Variants in ATP9B observed in about 807,000 individuals in gnomAD.
The protein encoded by ATP9B is ATPase phospholipid transporting 9B.
In ATP9B, 110 loss-of-function variants were observed where a neutral mutation model predicts 146.1. That is an observed-to-expected ratio of 0.75 (90% confidence interval 0.65 to 0.88). The LOEUF (loss-of-function observed/expected upper bound fraction) is 0.88, where lower values mean the gene tolerates loss of function less well. Among genes scored for constraint, ATP9B ranks in the 40% least tolerant of loss-of-function variants. The pLI is 0.00. For missense variants in ATP9B, 1,499 were observed against 1,496.4 expected, an observed-to-expected ratio of 1.00 and a Z score of -0.03; for synonymous variants, 604 against 569.7, an observed-to-expected ratio of 1.06 and a Z score of -0.86.
At chr18:79,227,278 A>G (rs2095745061) in intron 11 of ATP9B, among the ~76,000 whole-genome samples, 1 of 151,846 alleles carries the variant, frequency 6.6e-6, no homozygotes, top group African/African-American at 2.4e-5. Context: ...TTTAGCAAAA[A>G]ATGCTGTTTA....
chr18:79,307,345 T>G, intron 15 of ATP9B, 111 bp downstream of exon 15: 1 of 1,478,672 alleles, frequency 6.8e-7, no homozygotes, highest in Non-Finnish European at 9.1e-7. Flanking sequence ...TTATCGTAGC[T>G]TTAATGTATG....
At chr18:79,277,277 TTATGTG>T in intron 13 of ATP9B, 81 bp downstream of exon 13, 1 of 1,524,592 alleles carries the variant, frequency 6.6e-7, no homozygotes, top group South Asian at 1.2e-5. Context: ...AGATATATGT[TTATGTG>T]TATGTATATA....
intron 19 of ATP9B, among the ~76,000 whole-genome samples, chr18:79,341,874 C>A (rs1252394003): frequency 6.6e-6 from 1 of 152,234 alleles, no homozygotes; most frequent in Non-Finnish European, 1.5e-5. Context: ...CCTTCCAGAA[C>A]TGTTCCATCC....
intron 26 of ATP9B, chr18:79,372,495 C>G (rs2097077520): frequency 2.1e-6 from 1 of 481,442 alleles, no homozygotes; most frequent in Non-Finnish European, 4.0e-6. Context: ...GTTTTTATTG[C>G]CAAGAGCCTT....
In ATP9B at chr18:79,229,012, CAGT is replaced by C. The variant is rs954285729; in HGVS notation, c.1107+14976_1107+14978del. The stretch of plus-strand genomic sequence containing the variant: ...TGCCACTACACTCCAGCCTGGGCGA[CAGT>C]ATAAGACCCTGTCTCAATACAAGCA... On this transcript the variant is annotated intron_variant, in intron 11 of 29. Coordinates refer to ENST00000426216, the MANE Select transcript of ATP9B (RefSeq NM_198531.5). Among the ~76,000 whole-genome samples, 4 of 152,222 alleles carry C rather than the reference CAGT, an allele frequency of 2.6e-5. No individual in the cohort carries two copies. In the East Asian group the frequency reaches 7.7e-4, roughly 29 times the overall value.
chr18:79,266,410 TAAC>T lies in ATP9B; in HGVS notation c.1269-10642_1269-10640del, dbSNP rs905761388. ...ATATAATCATATCATCAGTAAATAA[TAAC>T]AGCTTTTTTTTGTTCAGTTCTTTGC... On this transcript the variant is annotated intron_variant, in intron 12 of 29. Transcript: ENST00000426216. 1.5e-4 allele frequency among the ~76,000 whole-genome samples: 18 copies of T among 123,518 alleles called. No individual in the cohort carries two copies. The East Asian group carries it at 3.5e-3, about 24-fold the overall frequency. 81.0% of individuals were successfully genotyped at this position (123,518 alleles called of 152,430 possible).
intron 20 of ATP9B, 36 bp from the exon 21 acceptor site, chr18:79,344,229 A>G (rs1227638330): frequency 1.9e-6 from 3 of 1,582,168 alleles, no homozygotes; most frequent in East Asian, 2.2e-5. Flanking sequence ...CTTAGACAAC[A>G]TTTTAATTTG....
chr18:79,327,705 T>TCTCCGTGTTTAGCGTG (rs1391732704), intron 15 of ATP9B, among the ~76,000 whole-genome samples: 1 of 107,580 alleles, frequency 9.3e-6, no homozygotes, highest in African/African-American at 4.1e-5. Context: ...GTTAGTGTGC[T>TCTCCGTGTTTAGCGTG]CTCTCCATGG....
At chr18:79,226,075 A>G (rs531976431) in intron 11 of ATP9B, among the ~76,000 whole-genome samples, 6 of 152,338 alleles carry the variant, frequency 3.9e-5, no homozygotes, top group African/African-American at 9.6e-5. Flanking sequence ...TTCAGAGTCC[A>G]TAGTGCAGAG....
In ATP9B at chr18:79,262,267, T is replaced by A. The variant is rs939056127; in HGVS notation, c.1268+8726T>A. ...ATTCAAGTTTGTTTAGAATTTTTTT[T>A]AAATATATTTTTCTTTAGGAAAAAA... On this transcript the variant is annotated intron_variant, in intron 12 of 29. Transcript: ENST00000426216. Among the ~76,000 whole-genome samples the A allele has an allele frequency of 1.1e-4, 16 of 152,228 alleles. No homozygotes were observed. In the East Asian group the frequency reaches 2.5e-3, roughly 24 times the overall value.
intron 11 of ATP9B, among the ~76,000 whole-genome samples, chr18:79,222,213 G>T (rs2095686824): frequency 6.6e-6 from 1 of 152,028 alleles, no homozygotes; most frequent in Non-Finnish European, 1.5e-5. Flanking sequence ...CAAAGAATTA[G>T]CCGGGCGTGG....
At chr18:79,270,811 T>A (rs2096246585) in intron 12 of ATP9B, among the ~76,000 whole-genome samples, 1 of 152,216 alleles carries the variant, frequency 6.6e-6, no homozygotes. Flanking sequence ...GCCTGGGGAA[T>A]GAAGCCCCAT....
At chr18:79,254,863 G>C (rs1365514138) in intron 12 of ATP9B, 1 of 152,300 alleles carries the variant, frequency 6.6e-6, no homozygotes, top group Non-Finnish European at 1.5e-5. Context: ...CCTCAGAGAG[G>C]CTGCGTTTGT....
intron 2 of ATP9B, among the ~76,000 whole-genome samples, chr18:79,102,236 C>G (rs1367650765): frequency 1.3e-5 from 2 of 152,110 alleles, no homozygotes; most frequent in Non-Finnish European, 2.9e-5. Flanking sequence ...TTGGTGAGGT[C>G]TGAATTATTG....
At chr18:79,375,373 T>C in intron 28 of ATP9B, 21 bp from the exon 29 acceptor site, 1 of 1,599,966 alleles carries the variant, frequency 6.3e-7, no homozygotes, top group South Asian at 1.1e-5. Flanking sequence ...CTTTATTTTC[T>C]TTATTACTGT....
chr18:79,178,066 G>A (rs1350024380), intron 8 of ATP9B, among the ~76,000 whole-genome samples: 1 of 152,170 alleles, frequency 6.6e-6, no homozygotes, highest in Admixed American at 6.5e-5. Flanking sequence ...TACCTGCTTG[G>A]TGGTGGGTAG....
intron 4 of ATP9B, among the ~76,000 whole-genome samples, chr18:79,125,920 G>T (rs1445732792): frequency 1.3e-5 from 2 of 152,144 alleles, no homozygotes; most frequent in Admixed American, 6.5e-5. Context: ...GTCAGTCATT[G>T]TAAATTTTGT....
intron 5 of ATP9B, 92 bp downstream of exon 5, chr18:79,126,467 C>G: frequency 1.2e-6 from 1 of 868,602 alleles, no homozygotes. Flanking sequence ...CATTTTAATT[C>G]TATTATTGAA....
At chr18:79,122,524 TGA>T (rs2094207203) in intron 4 of ATP9B, among the ~76,000 whole-genome samples, 1 of 152,216 alleles carries the variant, frequency 6.6e-6, no homozygotes, top group African/African-American at 2.4e-5. Context: ...TTTCATCATA[TGA>T]CTGTGCTATG....
Sources: gnomAD v4.1 joint callset for allele counts (sites outside exome capture counted in the v4.1 genomes callset) on GRCh38, gnomAD v4.1.1 for gene constraint, MANE v1.5 for transcripts, NCBI Gene and HGNC (gene_info 2026-07-23, HGNC 2026-07-21) for gene names.